EGFLAM: variants seen among roughly 807,000 people sequenced by gnomAD.
The protein encoded by EGFLAM is pikachurin.
EGFLAM carries 79 observed loss-of-function variants against 113.1 expected under a neutral mutation model. That is an observed-to-expected ratio of 0.70 (90% CI 0.58 to 0.84). The LOEUF (loss-of-function observed/expected upper bound fraction) is 0.84. Ranked by LOEUF, EGFLAM falls within the 40% of genes least tolerant of loss-of-function variation. The pLI is 0.00. For missense variants in EGFLAM, 1,265 were observed against 1,291.6 expected (o/e 0.98, Z 0.32); for synonymous variants, 504 against 487.6 (o/e 1.03, Z -0.44).
chr5:38,348,268 G>A (rs575181409), intron 3 of EGFLAM, among the ~76,000 whole-genome samples: 4 of 152,178 alleles, frequency 2.6e-5, no homozygotes, highest in Admixed American at 2.6e-4. Context: ...TCACCCTGAA[G>A]GTGGTGCCAG....
rs767401688 is a variant in EGFLAM, at chr5:38,407,173, TG to T, written c.1147+29del. 1.9e-6 allele frequency: 3 copies of T among 1,547,792 alleles called. No homozygotes were observed. In the African/African-American group the frequency reaches 4.4e-5, roughly 22 times the overall value. ...TAGGCCCTTGGGGGAGAGGAAGAAG[TG>T]GTGATGAATTGGCACCATTGACAGC... On this transcript the variant is annotated intron_variant, in intron 8 of 21. Coordinates refer to ENST00000322350, the MANE Select transcript of EGFLAM (RefSeq NM_152403.4).
intron 6 of EGFLAM, among the ~76,000 whole-genome samples, chr5:38,379,941 T>C (rs114388426): frequency 0.031 from 4,744 of 152,306 alleles, 229 homozygotes; most frequent in African/African-American, 0.11. Context: ...CAGCAAATTT[T>C]TCTATAAAGG....
At chr5:38,338,650 A>G in intron 2 of EGFLAM, 48 bp from the exon 3 acceptor site, 35 of 1,578,374 alleles carry the variant, frequency 2.2e-5, no homozygotes, top group Non-Finnish European at 3.0e-5. Context: ...CTTTGATCTT[A>G]CACAAGCACG....
At chr5:38,369,993 TG>T (rs1330753662) in intron 5 of EGFLAM, among the ~76,000 whole-genome samples, 5 of 152,204 alleles carry the variant, frequency 3.3e-5, no homozygotes, top group African/African-American at 1.2e-4. Context: ...GCAGAGTCCT[TG>T]AAAGCGAATT....
In EGFLAM at chr5:38,412,534, CGTAA is replaced by C. The variant is rs778252642; in HGVS notation, c.1383_1386del (p.Ser462ArgfsTer6). Reference sequence around the variant, plus strand: ...ATTGTGGAACTGGGGTTGCCATCATCGTAAGTGAGACCAAAATCAAACTAGGGGG... The same window carrying C: ...ATTGTGGAACTGGGGTTGCCATCATCGTGAGACCAAAATCAAACTAGGGGG... On this transcript the variant is annotated frameshift_variant, in exon 11 of 22. Coordinates refer to ENST00000322350, the MANE Select transcript of EGFLAM (RefSeq NM_152403.4). LOFTEE classifies it high-confidence loss of function. 13 of 1,614,124 alleles carry C rather than the reference CGTAA, an allele frequency of 8.1e-6. No homozygotes were observed. The Admixed American group carries it at 8.3e-5, about 10-fold the overall frequency.
chr5:38,425,936 C>G (rs999435404), intron 13 of EGFLAM, among the ~76,000 whole-genome samples: 1 of 152,074 alleles, frequency 6.6e-6, no homozygotes, highest in African/African-American at 2.4e-5. Flanking sequence ...AACTCCGTTT[C>G]TACTAAAAAT....
At chr5:38,324,624 C>T (rs1738830504) in intron 1 of EGFLAM, among the ~76,000 whole-genome samples, 1 of 152,078 alleles carries the variant, frequency 6.6e-6, no homozygotes, top group South Asian at 2.1e-4. Context: ...ATCCAATGGC[C>T]CCAGCCTTTG....
At chr5:38,365,534 A>C (rs968393084) in intron 5 of EGFLAM, among the ~76,000 whole-genome samples, 1 of 152,178 alleles carries the variant, frequency 6.6e-6, no homozygotes, top group East Asian at 1.9e-4. Flanking sequence ...AATGCCATCT[A>C]AGGTATTCTA....
chr5:38,389,892 C>G (rs6898755), intron 6 of EGFLAM, among the ~76,000 whole-genome samples: 42,988 of 152,054 alleles, frequency 0.28, 7,234 homozygotes, highest in African/African-American at 0.47. Flanking sequence ...CTACAGTATT[C>G]ATTTTGTTTC....
chr5:38,413,730 T>C (rs1741557765), intron 11 of EGFLAM, among the ~76,000 whole-genome samples: 1 of 152,182 alleles, frequency 6.6e-6, no homozygotes, highest in African/African-American at 2.4e-5. Flanking sequence ...TCTCTACTCT[T>C]TGCCAGCAAG....
chr5:38,336,289 C>T (rs999738963), intron 1 of EGFLAM, among the ~76,000 whole-genome samples: 1 of 152,108 alleles, frequency 6.6e-6, no homozygotes, highest in African/African-American at 2.4e-5. Flanking sequence ...ATTACATACA[C>T]ATGGCTGGGT....
intron 3 of EGFLAM, 56 bp from the exon 4 acceptor site, chr5:38,350,445 A>G (rs202007301): frequency 3.5e-5 from 54 of 1,540,482 alleles, no homozygotes; most frequent in Middle Eastern, 1.7e-4. Flanking sequence ...AAATTGTACA[A>G]TTTGCCCAAA....
chr5:38,291,894 T>C (rs1223499378), intron 1 of EGFLAM, among the ~76,000 whole-genome samples: 1 of 152,236 alleles, frequency 6.6e-6, no homozygotes, highest in Non-Finnish European at 1.5e-5. Flanking sequence ...TTCTGAAGAA[T>C]GGCTTTTAGA....
At chr5:38,448,180 G>A (rs1742781927) in intron 17 of EGFLAM, 121 bp from the exon 18 acceptor site, 2 of 1,071,674 alleles carry the variant, frequency 1.9e-6, no homozygotes, top group South Asian at 2.7e-5. Flanking sequence ...CCGAAGGGAA[G>A]GGGCTGATGA....
intron 5 of EGFLAM, among the ~76,000 whole-genome samples, chr5:38,365,236 G>C (rs6889827): frequency 2.6e-5 from 4 of 152,222 alleles, no homozygotes; most frequent in Admixed American, 1.3e-4. Flanking sequence ...AAATAGAATA[G>C]AAAAGAGAAT....
At chr5:38,320,521 A>C (rs1463472301) in intron 1 of EGFLAM, among the ~76,000 whole-genome samples, 2 of 152,082 alleles carry the variant, frequency 1.3e-5, no homozygotes, top group African/African-American at 4.8e-5. Context: ...GTCCTCCTCC[A>C]ATTGTTAAAT....
intron 6 of EGFLAM, among the ~76,000 whole-genome samples, chr5:38,383,318 A>G (rs1561059187): frequency 6.6e-6 from 1 of 152,270 alleles, no homozygotes; most frequent in Non-Finnish European, 1.5e-5. Context: ...TTTCCAAAAT[A>G]AAATGAAATA....
chr5:38,373,850 G>T (rs1319952744), intron 6 of EGFLAM, among the ~76,000 whole-genome samples: 1 of 152,174 alleles, frequency 6.6e-6, no homozygotes, highest in Non-Finnish European at 1.5e-5. Context: ...GTTTTCCACA[G>T]AGGTTGTACT....
At chr5:38,394,004 T>A (rs1454825657) in intron 6 of EGFLAM, among the ~76,000 whole-genome samples, 1 of 152,122 alleles carries the variant, frequency 6.6e-6, no homozygotes, top group East Asian at 1.9e-4. Context: ...GGGAAGGTGA[T>A]CTTTCCCTGA....
Sources: allele counts gnomAD v4.1 joint callset (sites outside exome capture counted in the v4.1 genomes callset), GRCh38; gene constraint gnomAD v4.1.1; transcripts MANE v1.5; gene names NCBI Gene and HGNC (gene_info 2026-07-23, HGNC 2026-07-21).